Variants in KLC4 observed in about 807,000 individuals in gnomAD.
KLC4 encodes the protein kinesin light chain 4.
In KLC4, 49 loss-of-function variants were observed where a neutral mutation model predicts 77.2. That is an observed-to-expected ratio of 0.63 (90% CI 0.50 to 0.80). KLC4 has a LOEUF of 0.80. KLC4 is among the 30% of genes least tolerant of loss of function. The probability of loss-of-function intolerance (pLI) is 0.00; values close to 1 mark genes in which losing one functional copy is unlikely to be tolerated. For missense variants in KLC4, 669 were observed against 793.5 expected (o/e 0.84, Z 1.89); for synonymous variants, 274 against 314.5 (o/e 0.87, Z 1.36).
intron 1 of KLC4, chr6:43,060,514 G>T: frequency 7.6e-7 from 1 of 1,315,648 alleles, no homozygotes. Context: ...TGGACTTTGG[G>T]CAGGGCAGAT....
chr6:43,061,260 A>C lies in KLC4; in HGVS notation c.-25-51A>C, dbSNP rs962729131. 3 of 1,551,120 alleles carry C rather than the reference A, an allele frequency of 1.9e-6. No homozygotes were observed. In the African/African-American group the frequency reaches 4.1e-5, roughly 21 times the overall value. ...CCACCACTCTCTGAGAAAGTTGCTC[A>C]GCTTCTCTGTCTCATCTTTACACCA... On this transcript the variant is annotated intron_variant, in intron 1 of 15. Transcript: ENST00000347162.
chr6:43,064,315 A>G (rs1326731750), intron 3 of KLC4, among the ~76,000 whole-genome samples: 2 of 152,246 alleles, frequency 1.3e-5, no homozygotes, highest in Non-Finnish European at 2.9e-5. Context: ...AAGAATTCAT[A>G]GAGGAAGCAG....
chr6:43,074,706 C>A lies in KLC4; in HGVS notation c.*34C>A. On this transcript the variant is annotated 3_prime_UTR_variant, in exon 16 of 16. Coordinates refer to ENST00000347162, the MANE Select transcript of KLC4 (RefSeq NM_201521.3). ...CCGGCCCCCAGGTCTGCTGGGTCCC[C>A]CCACCCCCACAGCCCTCACAGCATT... 1 of 1,575,258 alleles carries A rather than the reference C, an allele frequency of 6.3e-7. No homozygotes were observed. The highest frequency in any genetic ancestry group is 1.1e-5 in the South Asian group (1 of 90,338).
chr6:43,061,058 TC>T (rs1475003338), intron 1 of KLC4: 23 of 497,366 alleles, frequency 4.6e-5, no homozygotes, highest in Non-Finnish European at 7.9e-5. Flanking sequence ...TTCTGCTAGT[TC>T]TAAGCACCTT....
At chr6:43,061,998 A>G (rs1210638077) in intron 2 of KLC4, among the ~76,000 whole-genome samples, 1 of 152,174 alleles carries the variant, frequency 6.6e-6, no homozygotes, top group African/African-American at 2.4e-5. Context: ...CATTTTTGGC[A>G]AAGACGTGAA....
chr6:43,071,353 C>T lies in KLC4; in HGVS notation c.1234C>T (p.Gln412Ter), dbSNP rs1324546020. Residue 412 changes from glutamine (Q) to a stop codon, truncating the protein, a stop_gained, in exon 9 of 16, where the codon CAG becomes TAG. Coordinates refer to ENST00000347162, the MANE Select transcript of KLC4 (RefSeq NM_201521.3). LOFTEE classifies it high-confidence loss of function. Reference protein sequence around the residue: ...YKEILTRAHVQEFGSVDDDHK... With the variant: ...YKEILTRAHV ...AGAGATCCTGACCCGTGCCCATGTA[C>T]AGGAGTTTGGGTCTGTGGATGGTGA... The T allele has an allele frequency of 5.6e-6, 9 of 1,613,418 alleles. No individual in the cohort carries two copies. Among genetic ancestry groups the T allele is most frequent in the African/African-American group, 1.3e-5 (1 of 74,866 alleles).
chr6:43,060,680 GA>G, intron 1 of KLC4: 1 of 1,025,998 alleles, frequency 9.7e-7, no homozygotes, highest in Non-Finnish European at 1.2e-6. Context: ...TGGGGGGTGG[GA>G]AGTATGGGTT....
chr6:43,072,044 C>A (rs1765755684), intron 11 of KLC4, 103 bp from the exon 12 acceptor site: 1 of 1,381,238 alleles, frequency 7.2e-7, no homozygotes. Flanking sequence ...TCTGTTCCCT[C>A]TCCTATTTTC....
At chr6:43,060,010 C>T in intron 1 of KLC4, 1 of 1,420,066 alleles carries the variant, frequency 7.0e-7, no homozygotes, top group African/African-American at 1.4e-5. Flanking sequence ...CCCTGGGCAC[C>T]AGGGCAGGTC....
At position 43,071,388 on chromosome 6, in the gene KLC4, G is replaced by A. The variant is rs1245941558; in HGVS notation, c.1255+14G>A. On this transcript the variant is annotated intron_variant, in intron 9 of 15. Coordinates refer to ENST00000347162, the MANE Select transcript of KLC4 (RefSeq NM_201521.3). ...GGTCTGTGGATGGTGAGTGGTGAGG[G>A]CCTGGGGAAGGGGCTGTGGGGAAGA... 6.3e-7 allele frequency: 1 copy of A among 1,596,192 alleles called. No homozygotes were observed. The highest frequency in any genetic ancestry group is 1.7e-5 in the Admixed American group (1 of 59,976).
chr6:43,070,829 G>A lies in KLC4; in HGVS notation c.1119G>A (p.Pro373=), dbSNP rs761981291. 1.4e-5 allele frequency: 22 copies of A among 1,605,328 alleles called. No individual in the cohort carries two copies. Among genetic ancestry groups the A allele is most frequent in the South Asian group, 1.1e-4 (10 of 90,920 alleles). ...CCATCTACGAGGGGCAGCTGGGGCC[G>A]GACAACCCTAATGTAGCCCGGACCA... ...ALAIYEGQLG[P]DNPNVARTKN... is the part of the protein sequence containing the mutation. Residue 373 remains proline (P), a synonymous_variant, in exon 8 of 16, where the codon CCG becomes CCA. Coordinates refer to ENST00000347162, the MANE Select transcript of KLC4 (RefSeq NM_201521.3).
In KLC4 at chr6:43,073,251, G is replaced by A; in HGVS notation, c.1658G>A (p.Gly553Asp). 6.2e-7 allele frequency: 1 copy of A among 1,614,104 alleles called. No homozygotes were observed. Among genetic ancestry groups the A allele is most frequent in the Non-Finnish European group, 8.5e-7 (1 of 1,179,974 alleles). Residue 553 changes from glycine to aspartate, a missense_variant, in exon 14 of 16, where the codon GGC (glycine) becomes GAC (aspartate). By Grantham distance (94) the Gly-to-Asp change is moderately conservative. Transcript: ENST00000347162. ...GGCAGTGGGACCCTGCAGAGGAGTGGCTCTCTTGGCAAGATCCGGGATGTG... is the reference window on the plus strand; with the variant it reads ...GGCAGTGGGACCCTGCAGAGGAGTGACTCTCTTGGCAAGATCCGGGATGTG... Reference protein sequence around the residue: ...GDGSGTLQRSGSLGKIRDVLR... With the variant: ...GDGSGTLQRSDSLGKIRDVLR...
intron 1 of KLC4, 198 bp from the exon 2 acceptor site, chr6:43,061,113 C>G (rs1327535221): frequency 5.0e-6 from 3 of 599,558 alleles, no homozygotes; most frequent in African/African-American, 3.7e-5. Flanking sequence ...GTTCATCTCC[C>G]TCTCGCTTTG....
At chr6:43,062,667 C>T (rs1032318678) in intron 2 of KLC4, 2 of 539,822 alleles carry the variant, frequency 3.7e-6, no homozygotes, top group East Asian at 3.2e-5. Context: ...AGGGCAGAAA[C>T]GAGGCCAGTG....
intron 3 of KLC4, among the ~76,000 whole-genome samples, chr6:43,063,376 A>C (rs1765261396): frequency 6.6e-6 from 1 of 152,210 alleles, no homozygotes; most frequent in Admixed American, 6.5e-5. Context: ...TGTACCAGGC[A>C]TTGTGCACTG....
At chr6:43,067,949 A>G (rs1475922438) in intron 6 of KLC4, among the ~76,000 whole-genome samples, 1 of 111,094 alleles carries the variant, frequency 9.0e-6, no homozygotes, top group African/African-American at 5.1e-5. Context: ...CGTCTCTACT[A>G]AAAATACAAA....
At chr6:43,074,518 C>T (rs1272386914) in intron 15 of KLC4, 104 bp from the exon 16 acceptor site, 17 of 995,052 alleles carry the variant, frequency 1.7e-5, no homozygotes, top group Non-Finnish European at 2.6e-5. Flanking sequence ...AGATGTGATC[C>T]TAGGTCCAGA....
intron 14 of KLC4, 188 bp from the exon 15 acceptor site, chr6:43,073,714 C>A: frequency 1.7e-6 from 1 of 585,958 alleles, no homozygotes; most frequent in Non-Finnish European, 3.0e-6. Context: ...TTGCCTCCAA[C>A]TCCTCTTGGC....
rs114278922 is a variant in KLC4, at chr6:43,063,393, T to A, written c.489+246T>A. 1.2e-3 allele frequency among the ~76,000 whole-genome samples: 182 copies of A among 152,300 alleles called. 2 individuals carry two copies. The highest frequency in any genetic ancestry group is 4.3e-3 in the African/African-American group (180 of 41,568). ...TACCAGGCATTGTGCACTGCACTGG[T>A]GAATGGGGCACACAGAGTTCCTGCT... On this transcript the variant is annotated intron_variant, in intron 3 of 15. Coordinates refer to ENST00000347162, the MANE Select transcript of KLC4 (RefSeq NM_201521.3).
Sources: gnomAD v4.1 joint callset for allele counts (sites outside exome capture counted in the v4.1 genomes callset) on GRCh38, gnomAD v4.1.1 for gene constraint, MANE v1.5 for transcripts, NCBI Gene and HGNC (gene_info 2026-07-23, HGNC 2026-07-21) for gene names.